Variants in RPS6KA6 observed in about 807,000 individuals in gnomAD.
The protein encoded by RPS6KA6 is ribosomal protein S6 kinase alpha-6.
Under a neutral mutation model 65.4 loss-of-function variants are expected in RPS6KA6, and 27 were observed. The ratio of observed to expected loss-of-function variants is 0.41; its 90% CI spans 0.30 to 0.57. The LOEUF (loss-of-function observed/expected upper bound fraction) is 0.57, where lower values mean the gene tolerates loss of function less well. RPS6KA6 is among the 20% of genes least tolerant of loss of function. RPS6KA6 has a pLI of 0.24. For synonymous variants in RPS6KA6, 190 were observed against 184.2 expected (o/e 1.03, Z -0.26); for missense variants, 486 against 555.6 (o/e 0.87, Z 1.26).
intron 20 of RPS6KA6, among the ~76,000 whole-genome samples, chrX:84,087,450 A>G: frequency 8.9e-6 from 1 of 111,751 alleles, no homozygotes; most frequent in Non-Finnish European, 1.9e-5. Flanking sequence ...TGGGTTGGAA[A>G]TTCTTTTCTT....
intron 6 of RPS6KA6, among the ~76,000 whole-genome samples, chrX:84,136,689 T>C (rs780873592): frequency 9.0e-6 from 1 of 111,694 alleles, no homozygotes; most frequent in Admixed American, 9.5e-5. Flanking sequence ...GCCTATCACC[T>C]TGTCATGAGG....
At chrX:84,138,850 G>A (rs1485143077) in intron 6 of RPS6KA6, among the ~76,000 whole-genome samples, 1 of 108,735 alleles carries the variant, frequency 9.2e-6, no homozygotes, top group East Asian at 2.9e-4. Flanking sequence ...TGTACATTCT[G>A]AGGAAGGGAA....
intron 12 of RPS6KA6, among the ~76,000 whole-genome samples, chrX:84,113,261 T>C (rs771285002): frequency 1.1e-4 from 12 of 111,427 alleles, no homozygotes; most frequent in Non-Finnish European, 3.8e-5. Context: ...CCAATCTTAC[T>C]AAAACTGTTC....
intron 20 of RPS6KA6, among the ~76,000 whole-genome samples, chrX:84,094,600 G>A (rs1010172655): frequency 3.5e-4 from 39 of 110,005 alleles, no homozygotes; most frequent in Non-Finnish European, 6.6e-4. Flanking sequence ...AGCCGAGATC[G>A]CGCCACTGCA....
At position 84,064,141 on chromosome X, in the gene RPS6KA6, T is replaced by A. The variant is rs2033347691; in HGVS notation, c.*136A>T. On this transcript the variant is annotated 3_prime_UTR_variant, in exon 22 of 22. Transcript: ENST00000262752. The stretch of plus-strand genomic sequence containing the variant: ...TGTGAATGGTTTTTTAAATCTCACT[T>A]CCCCTAAAAATGGGGATTTAATATT... 4.3e-6 allele frequency: 3 copies of A among 701,278 alleles called. No homozygotes were observed. In the Admixed American group the frequency reaches 1.2e-4, roughly 28 times the overall value. The allele number at this position is 701,278 out of a possible 1,213,427, so 57.8% of individuals were successfully genotyped here.
chrX:84,088,138 C>T (rs759931690), intron 20 of RPS6KA6, among the ~76,000 whole-genome samples: 2 of 112,026 alleles, frequency 1.8e-5, no homozygotes, highest in East Asian at 5.7e-4. Context: ...TTATTACCCA[C>T]CTTCTGAAGC....
At chrX:84,074,527 A>G (rs974702527) in intron 20 of RPS6KA6, among the ~76,000 whole-genome samples, 1 of 112,104 alleles carries the variant, frequency 8.9e-6, no homozygotes, top group Non-Finnish European at 1.9e-5. Context: ...GAATGTTTTC[A>G]TCACAAAGAA....
chrX:84,084,093 A>G (rs2033864354), intron 20 of RPS6KA6, among the ~76,000 whole-genome samples: 1 of 112,358 alleles, frequency 8.9e-6, no homozygotes, highest in Admixed American at 9.4e-5. Flanking sequence ...AGTTCCTTGC[A>G]GATTGTAAAT....
chrX:84,086,655 G>A (rs2147375113), intron 20 of RPS6KA6, among the ~76,000 whole-genome samples: 1 of 111,087 alleles, frequency 9.0e-6, no homozygotes, highest in Admixed American at 9.6e-5. Flanking sequence ...TTTTGGTGGA[G>A]AGTTCCAAAG....
chrX:84,064,024 A>G lies in RPS6KA6; in HGVS notation c.*253T>C. The G allele has an allele frequency of 3.5e-6, 1 of 283,220 alleles. No individual in the cohort carries two copies. The highest frequency in any genetic ancestry group is 6.1e-6 in the Non-Finnish European group (1 of 162,786). The allele number at this position is 283,220 out of a possible 1,213,427, so 23.3% of individuals were successfully genotyped here. A position where few individuals can be genotyped will look rare whatever the true frequency, so the allele number is the denominator to read the frequency against. ...AAAGGAATTTTAGAAGCTTGTGTGC[A>G]GAGAAGTTGTGAGGACCTGGTGGAC... is the stretch of plus-strand genomic sequence containing the variant. On this transcript the variant is annotated 3_prime_UTR_variant, in exon 22 of 22. Coordinates refer to ENST00000262752, the MANE Select transcript of RPS6KA6 (RefSeq NM_014496.5).
At chrX:84,121,941 A>C (rs917053312) in intron 8 of RPS6KA6, among the ~76,000 whole-genome samples, 1 of 112,331 alleles carries the variant, frequency 8.9e-6, no homozygotes, top group African/African-American at 3.2e-5. Flanking sequence ...AAATGGTATT[A>C]AGAAAATGAA....
At chrX:84,170,319 G>A (rs2085702781) in intron 1 of RPS6KA6, among the ~76,000 whole-genome samples, 1 of 110,564 alleles carries the variant, frequency 9.0e-6, no homozygotes, top group Non-Finnish European at 1.9e-5. Flanking sequence ...AGATAAAGGT[G>A]GGTCCACATC....
chrX:84,117,601 G>T, intron 9 of RPS6KA6, 147 bp from the exon 10 acceptor site: 1 of 327,869 alleles, frequency 3.1e-6, no homozygotes, highest in East Asian at 4.8e-5. Context: ...AGAAAACTAG[G>T]TCACTTAAAG....
intron 1 of RPS6KA6, among the ~76,000 whole-genome samples, chrX:84,173,934 G>A (rs547276611): frequency 3.6e-5 from 4 of 111,506 alleles, no homozygotes; most frequent in South Asian, 3.8e-4. Flanking sequence ...ACCCATAAAG[G>A]TATATACATA....
intron 20 of RPS6KA6, among the ~76,000 whole-genome samples, chrX:84,083,035 G>A (rs2033837090): frequency 1.8e-5 from 2 of 111,884 alleles, no homozygotes; most frequent in Non-Finnish European, 3.8e-5. Flanking sequence ...ACATAGGCAT[G>A]GGCAACTACT....
intron 1 of RPS6KA6, among the ~76,000 whole-genome samples, chrX:84,170,010 A>T (rs2035655394): frequency 9.2e-6 from 1 of 108,997 alleles, no homozygotes; most frequent in Non-Finnish European, 1.9e-5. Flanking sequence ...TCTCTACTAA[A>T]AATATAAAAA....
At chrX:84,162,955 A>G (rs1340946153) in intron 2 of RPS6KA6, among the ~76,000 whole-genome samples, 1 of 112,230 alleles carries the variant, frequency 8.9e-6, no homozygotes, top group East Asian at 2.8e-4. Flanking sequence ...CATATTGTCA[A>G]TCAAAATTAA....
In RPS6KA6 at chrX:84,146,958, A is replaced by C; in HGVS notation, c.421+20T>G. 1.1e-6 allele frequency: 1 copy of C among 921,079 alleles called. No individual in the cohort carries two copies. The allele number at this position is 921,079 out of a possible 1,213,427, so 75.9% of individuals were successfully genotyped here. A position where few individuals can be genotyped will look rare whatever the true frequency, so the allele number is the denominator to read the frequency against. Reference sequence around the variant, plus strand: ...AAATAAGGATTAAAATAAATAAAAGAATAAAAAAAGATTACATACCATAGT... The same window carrying C: ...AAATAAGGATTAAAATAAATAAAAGCATAAAAAAAGATTACATACCATAGT... On this transcript the variant is annotated intron_variant, in intron 5 of 21. Coordinates refer to ENST00000262752, the MANE Select transcript of RPS6KA6 (RefSeq NM_014496.5).
intron 20 of RPS6KA6, among the ~76,000 whole-genome samples, chrX:84,081,722 C>G (rs2033804039): frequency 1.8e-5 from 2 of 111,935 alleles, no homozygotes; most frequent in East Asian, 5.6e-4. Context: ...CCAAATCCAG[C>G]AGCACATCAA....
Sources: allele counts gnomAD v4.1 joint callset (sites outside exome capture counted in the v4.1 genomes callset), GRCh38; gene constraint gnomAD v4.1.1; transcripts MANE v1.5; gene names NCBI Gene and HGNC (gene_info 2026-07-23, HGNC 2026-07-21).